Variants in SGCZ observed in about 807,000 individuals in gnomAD.
SGCZ encodes the protein sarcoglycan zeta, also known as zeta-sarcoglycan.
In SGCZ, 40 loss-of-function variants were observed where a neutral mutation model predicts 41.3. The observed-to-expected ratio is 0.97, with a 90% CI of 0.75 to 1.26. SGCZ has a LOEUF of 1.26. Ranked by LOEUF, SGCZ falls within the 50% of genes most tolerant of loss-of-function variation. The pLI, the probability that SGCZ is intolerant of heterozygous loss-of-function variation, is 0.00. For synonymous variants in SGCZ, 206 were observed against 137.5 expected (o/e 1.50, Z -3.49); for missense variants, 552 against 369.8 (o/e 1.49, Z -4.04).
chr8:14,921,020 A>G (rs991958413), intron 1 of SGCZ, among the ~76,000 whole-genome samples: 3 of 152,196 alleles, frequency 2.0e-5, no homozygotes, highest in Non-Finnish European at 2.9e-5. Flanking sequence ...CCCATATCCA[A>G]TAGTGTTGGA....
chr8:14,814,859 A>G (rs970485505), intron 1 of SGCZ, among the ~76,000 whole-genome samples: 1 of 152,226 alleles, frequency 6.6e-6, no homozygotes, highest in Non-Finnish European at 1.5e-5. Flanking sequence ...ATGTGTCCGT[A>G]TAACAGATTA....
chr8:14,954,056 G>C (rs1038807046), intron 1 of SGCZ, among the ~76,000 whole-genome samples: 2 of 152,094 alleles, frequency 1.3e-5, no homozygotes, highest in African/African-American at 4.8e-5. Flanking sequence ...AATTTCTTCT[G>C]AAGTATGCTC....
intron 1 of SGCZ, among the ~76,000 whole-genome samples, chr8:15,018,621 T>G (rs1803132620): frequency 6.6e-6 from 1 of 151,986 alleles, no homozygotes; most frequent in African/African-American, 2.4e-5. Flanking sequence ...ACTAGAGGGC[T>G]GGAATGCAGG....
intron 2 of SGCZ, among the ~76,000 whole-genome samples, chr8:14,356,294 G>A (rs1469330533): frequency 6.6e-6 from 1 of 152,190 alleles, no homozygotes; most frequent in Non-Finnish European, 1.5e-5. Context: ...CCCGTCGTAA[G>A]TTAAGAGCCT....
At chr8:14,119,030 G>C (rs980115101) in intron 5 of SGCZ, among the ~76,000 whole-genome samples, 1 of 152,122 alleles carries the variant, frequency 6.6e-6, no homozygotes, top group African/African-American at 2.4e-5. Context: ...ACTTAGGATT[G>C]TCTTGGCTAC....
intron 1 of SGCZ, among the ~76,000 whole-genome samples, chr8:14,568,444 GAAA>G (rs386360409): frequency 1.1e-3 from 138 of 127,788 alleles, no homozygotes; most frequent in African/African-American, 2.5e-3. Context: ...TACATTATCA[GAAA>G]AAAAAAAAAA....
At chr8:14,323,999 C>T (rs967590773) in intron 3 of SGCZ, 104 bp downstream of exon 3, 6 of 693,854 alleles carry the variant, frequency 8.6e-6, no homozygotes, top group South Asian at 1.9e-5. Flanking sequence ...CTTAAGGAAA[C>T]TAAACACATG....
At chr8:15,116,324 T>G (rs1481614772) in intron 1 of SGCZ, among the ~76,000 whole-genome samples, 4 of 152,248 alleles carry the variant, frequency 2.6e-5, no homozygotes, top group Non-Finnish European at 5.9e-5. Context: ...TGGGTTATTA[T>G]GAACTTTCTG....
chr8:14,940,390 T>A (rs1333137349), intron 1 of SGCZ, among the ~76,000 whole-genome samples: 1 of 152,142 alleles, frequency 6.6e-6, no homozygotes, highest in African/African-American at 2.4e-5. Flanking sequence ...ATAGACTTAC[T>A]TATATAAGTT....
In SGCZ at chr8:14,371,527, A is replaced by G. The variant is rs113226616; in HGVS notation, c.235-47323T>C. Reference sequence around the variant, plus strand: ...AAATTTCGTATGTAAATATAAAAAAAAGTGTTTCTATATTTTTGGGGCATT... The same window carrying G: ...AAATTTCGTATGTAAATATAAAAAAGAGTGTTTCTATATTTTTGGGGCATT... On this transcript the variant is annotated intron_variant, in intron 2 of 7. Transcript: ENST00000382080. Among the ~76,000 whole-genome samples, 26 of 152,134 alleles carry G rather than the reference A, an allele frequency of 1.7e-4. 1 individual carries two copies. The highest frequency in any genetic ancestry group is 7.7e-4 in the East Asian group (4 of 5,184).
chr8:15,204,279 A>C (rs1800990764), intron 1 of SGCZ, among the ~76,000 whole-genome samples: 1 of 152,218 alleles, frequency 6.6e-6, no homozygotes, highest in Non-Finnish European at 1.5e-5. Context: ...GCCAAAGTCA[A>C]ATAACATTTT....
At chr8:14,896,042 G>A (rs1045169527) in intron 1 of SGCZ, among the ~76,000 whole-genome samples, 2 of 152,156 alleles carry the variant, frequency 1.3e-5, no homozygotes, top group African/African-American at 4.8e-5. Context: ...CTTTGGACCA[G>A]CCCATGCTTG....
At chr8:15,184,351 A>T (rs1800268385) in intron 1 of SGCZ, among the ~76,000 whole-genome samples, 1 of 152,148 alleles carries the variant, frequency 6.6e-6, no homozygotes, top group African/African-American at 2.4e-5. Context: ...CATAGAATCA[A>T]ACTCACACCG....
At position 14,143,955 on chromosome 8, in the gene SGCZ, C is replaced by T. The variant is rs1007499809; in HGVS notation, c.547+20625G>A. On this transcript the variant is annotated intron_variant, in intron 5 of 7. Transcript: ENST00000382080. The stretch of plus-strand genomic sequence containing the variant: ...TCCACAGGGGAAACATTTAAACCAG[C>T]CCTAACAAGGCAGGAATCACCAATC... Among the ~76,000 whole-genome samples, 4 of 152,142 alleles carry T rather than the reference C, an allele frequency of 2.6e-5. No homozygotes were observed. In the East Asian group the frequency reaches 7.7e-4, roughly 29 times the overall value.
chr8:14,301,373 A>AC (rs34693090), intron 3 of SGCZ, among the ~76,000 whole-genome samples: 3 of 81,678 alleles, frequency 3.7e-5, no homozygotes, highest in Non-Finnish European at 1.2e-4. Flanking sequence ...TTCAAATCAC[A>AC]AAAAAAAACA....
chr8:14,566,996 G>A (rs936258838), intron 1 of SGCZ, among the ~76,000 whole-genome samples: 5 of 152,190 alleles, frequency 3.3e-5, no homozygotes, highest in Non-Finnish European at 7.4e-5. Context: ...CAGCAGCTGC[G>A]GAGGGTGCAC....
At chr8:14,503,234 G>A (rs1183350653) in intron 2 of SGCZ, among the ~76,000 whole-genome samples, 2 of 152,068 alleles carry the variant, frequency 1.3e-5, no homozygotes, top group Admixed American at 1.3e-4. Context: ...CTCATAAGTG[G>A]GAGCTGAACA....
At chr8:14,432,545 G>A (rs745349967) in intron 2 of SGCZ, among the ~76,000 whole-genome samples, 1 of 152,128 alleles carries the variant, frequency 6.6e-6, no homozygotes, top group Non-Finnish European at 1.5e-5. Context: ...TGAGAAGGGG[G>A]TGAGGGATAC....
intron 1 of SGCZ, among the ~76,000 whole-genome samples, chr8:14,736,866 C>T (rs941357561): frequency 6.6e-6 from 1 of 151,980 alleles, no homozygotes; most frequent in African/African-American, 2.4e-5. Context: ...CCAGCAATCC[C>T]ACTACCGGGT....
Sources: gnomAD v4.1 joint callset for allele counts (sites outside exome capture counted in the v4.1 genomes callset) on GRCh38, gnomAD v4.1.1 for gene constraint, MANE v1.5 for transcripts, NCBI Gene and HGNC (gene_info 2026-07-23, HGNC 2026-07-21) for gene names.